Variants in ARAP2 observed in about 807,000 individuals in gnomAD.
ARAP2 encodes ArfGAP with RhoGAP domain, ankyrin repeat and PH domain 2, also known as arf-GAP with Rho-GAP domain, ANK repeat and PH domain-containing protein 2.
In ARAP2, 148 loss-of-function variants were observed where a neutral mutation model predicts 194.5. The observed-to-expected ratio is 0.76, with a 90% CI of 0.67 to 0.87. The LOEUF (loss-of-function observed/expected upper bound fraction) is 0.87, where lower values mean the gene tolerates loss of function less well. Ranked by LOEUF, ARAP2 falls within the 40% of genes least tolerant of loss-of-function variation. ARAP2 has a pLI of 0.00. For synonymous variants in ARAP2, 695 were observed against 683.5 expected, an observed-to-expected ratio of 1.02 and a Z score of -0.26; for missense variants, 2,128 against 1,989.7, an observed-to-expected ratio of 1.07 and a Z score of -1.32.
At chr4:36,043,111 G>A (rs560381707) in intron 5 of ARAP2, among the ~76,000 whole-genome samples, 1 of 152,136 alleles carries the variant, frequency 6.6e-6, no homozygotes, top group East Asian at 1.9e-4. Context: ...CCAAAGTGCT[G>A]GGATTACAGG....
intron 8 of ARAP2, 59 bp downstream of exon 8, chr4:36,187,392 T>G (rs1023788202): frequency 2.1e-6 from 2 of 974,356 alleles, no homozygotes; most frequent in African/African-American, 3.4e-5. Flanking sequence ...TCTAACTGGT[T>G]TATTAATATG....
intron 20 of ARAP2, 55 bp downstream of exon 20, chr4:36,133,171 T>C (rs1725828546): frequency 1.9e-6 from 3 of 1,571,910 alleles, no homozygotes; most frequent in African/African-American, 2.7e-5. Flanking sequence ...CTTAAAAACC[T>C]GTAAGAACGA....
intron 5 of ARAP2, among the ~76,000 whole-genome samples, chr4:36,036,631 C>G (rs972565602): frequency 6.6e-6 from 1 of 151,942 alleles, no homozygotes; most frequent in African/African-American, 2.4e-5. Flanking sequence ...CTTAGAATTA[C>G]GTCCTTCAGT....
At chr4:36,072,041 AT>A (rs1384438345) in intron 32 of ARAP2, among the ~76,000 whole-genome samples, 8 of 152,082 alleles carry the variant, frequency 5.3e-5, no homozygotes, top group Non-Finnish European at 1.0e-4. Flanking sequence ...TTTTGTAAAT[AT>A]ATTTTTTAAA....
At chr4:36,017,564 T>TTAAAAAAAA (rs1553863575) in intron 6 of ARAP2, among the ~76,000 whole-genome samples, 2 of 42,572 alleles carry the variant, frequency 4.7e-5, no homozygotes, top group African/African-American at 2.3e-4. Context: ...AAGAAAGTGG[T>TTAAAAAAAA]AAAAAAAAAA....
chr4:36,163,640 T>G (rs777193805), intron 11 of ARAP2, among the ~76,000 whole-genome samples: 2 of 152,152 alleles, frequency 1.3e-5, no homozygotes, highest in Non-Finnish European at 2.9e-5. Flanking sequence ...GAAATCCTGA[T>G]GGTGGTAATG....
intron 19 of ARAP2, among the ~76,000 whole-genome samples, chr4:36,140,643 C>T (rs1451742158): frequency 6.6e-6 from 1 of 151,646 alleles, no homozygotes; most frequent in East Asian, 1.9e-4. Flanking sequence ...CTATAAAACA[C>T]ATTCAAGGGG....
At chr4:36,131,397 A>G (rs1725417716) in intron 20 of ARAP2, among the ~76,000 whole-genome samples, 1 of 150,410 alleles carries the variant, frequency 6.6e-6, no homozygotes, top group African/African-American at 2.4e-5. Context: ...TATACATCAT[A>G]TGTTATATAG....
At chr4:36,187,599 C>T (rs921997145) in intron 7 of ARAP2, 28 bp from the exon 8 acceptor site, 1 of 1,512,650 alleles carries the variant, frequency 6.6e-7, no homozygotes, top group Non-Finnish European at 8.8e-7. Flanking sequence ...AAAGAGAAGA[C>T]ATATGAAAAC....
intron 11 of ARAP2, among the ~76,000 whole-genome samples, chr4:36,161,829 C>A (rs924120978): frequency 5.4e-5 from 8 of 148,890 alleles, no homozygotes; most frequent in Non-Finnish European, 1.2e-4. Context: ...AACTACACGG[C>A]CTGGCGCGGT....
intron 1 of ARAP2, among the ~76,000 whole-genome samples, chr4:36,232,891 T>C (rs772942675): frequency 3.3e-5 from 5 of 152,216 alleles, no homozygotes; most frequent in Admixed American, 6.5e-5. Flanking sequence ...TGCATGTGTG[T>C]ATTTTTGTTT....
rs1405610808 is a variant in ARAP2 at position 36,210,632 on chromosome 4, G to A, written c.1245C>T (p.Tyr415=). Residue 415 remains tyrosine (Y), a synonymous_variant, in exon 6 of 33, where the codon TAC becomes TAT. Transcript: ENST00000303965. ...TCTGAAAGCATTCTTCTACTGTTGA[G>A]TATTCTGATTCAGAAGCAGTGTCTA... ...FLIDTASESE[Y]STVEECFQSL... The A allele has an allele frequency of 2.5e-6, 4 of 1,613,862 alleles. No individual in the cohort carries two copies. Among genetic ancestry groups the A allele is most frequent in the South Asian group, 1.1e-5 (1 of 91,062 alleles).
chr4:36,139,385 T>C (rs937900660), intron 19 of ARAP2, among the ~76,000 whole-genome samples: 2 of 151,358 alleles, frequency 1.3e-5, no homozygotes, highest in East Asian at 1.9e-4. Context: ...GTGATTTGTA[T>C]CTTCTGTCCT....
At chr4:36,239,232 C>T (rs539388132) in intron 1 of ARAP2, among the ~76,000 whole-genome samples, 6 of 151,462 alleles carry the variant, frequency 4.0e-5, no homozygotes, top group South Asian at 2.1e-4. Context: ...GCCAATATCA[C>T]GCCACTACAG....
intron 2 of ARAP2, among the ~76,000 whole-genome samples, chr4:36,226,123 T>C (rs1750245307): frequency 6.6e-6 from 1 of 151,634 alleles, no homozygotes; most frequent in Admixed American, 6.6e-5. Context: ...AAAAGAAAGG[T>C]TAGGATAAGT....
At chr4:36,184,783 C>G (rs1740134652) in intron 8 of ARAP2, among the ~76,000 whole-genome samples, 1 of 152,126 alleles carries the variant, frequency 6.6e-6, no homozygotes, top group Non-Finnish European at 1.5e-5. Flanking sequence ...AAGAAACAAG[C>G]AGTTACCTTT....
At chr4:36,231,516 A>G (rs933578582) in intron 1 of ARAP2, among the ~76,000 whole-genome samples, 1 of 152,198 alleles carries the variant, frequency 6.6e-6, no homozygotes, top group Non-Finnish European at 1.5e-5. Flanking sequence ...CAATGGAACA[A>G]TAAGTGGACA....
At chr4:36,217,166 A>G (rs914286939) in intron 2 of ARAP2, among the ~76,000 whole-genome samples, 3 of 152,226 alleles carry the variant, frequency 2.0e-5, no homozygotes, top group Non-Finnish European at 2.9e-5. Flanking sequence ...CATGCTTTAA[A>G]GGATTATAAC....
chr4:36,133,138 A>G (rs2109613578), intron 20 of ARAP2, 88 bp downstream of exon 20: 13 of 1,326,342 alleles, frequency 9.8e-6, no homozygotes, highest in Non-Finnish European at 1.3e-5. Flanking sequence ...AAAGGGTTTT[A>G]ACTCAGTCCA....
Sources: gnomAD v4.1 joint callset for allele counts (sites outside exome capture counted in the v4.1 genomes callset) on GRCh38, gnomAD v4.1.1 for gene constraint, MANE v1.5 for transcripts, NCBI Gene and HGNC (gene_info 2026-07-23, HGNC 2026-07-21) for gene names.